The following GLIS2 variants were observed in gnomAD, a reference collection of about 807,000 sequenced individuals.
GLIS2 encodes the protein GLIS family zinc finger 2.
GLIS2 carries 14 observed loss-of-function variants against 35.6 expected under a neutral mutation model. The ratio of observed to expected loss-of-function variants is 0.39; its 90% CI spans 0.26 to 0.61. The LOEUF (loss-of-function observed/expected upper bound fraction) is 0.61, where lower values mean the gene tolerates loss of function less well. Among genes scored for constraint, GLIS2 ranks in the 20% least tolerant of loss-of-function variants. The pLI is 0.48. For synonymous variants in GLIS2, 368 were observed against 325.1 expected, an observed-to-expected ratio of 1.13 and a Z score of -1.42; for missense variants, 675 against 713.4, an observed-to-expected ratio of 0.95 and a Z score of 0.61.
At position 4,333,456 on chromosome 16, in the gene GLIS2, C is replaced by T; in HGVS notation, c.282C>T (p.Gly94=). 6.2e-7 allele frequency: 1 copy of T among 1,612,846 alleles called. No homozygotes were observed. ...SPPSGLDSPN[G]SSSLSPERQG... is the part of the protein sequence containing the mutation. ...CATCTGGGCTGGACTCCCCCAATGG[C>T]AGCAGCTCGCTGTCCCCCGAGCGCC... The change falls in exon 3 of 7, where the codon GGC becomes GGT. Residue 94 remains glycine (G), a synonymous_variant. Transcript: ENST00000433375.
At chr16:4,333,951 T>A (rs1477571122) in intron 3 of GLIS2, among the ~76,000 whole-genome samples, 4 of 151,888 alleles carry the variant, frequency 2.6e-5, no homozygotes, top group Non-Finnish European at 5.9e-5. Flanking sequence ...CATCTCTATT[T>A]ATTTTTTTGA....
At chr16:4,334,365 A>G (rs1031439461) in intron 3 of GLIS2, among the ~76,000 whole-genome samples, 1 of 151,032 alleles carries the variant, frequency 6.6e-6, no homozygotes, top group African/African-American at 2.4e-5. Context: ...AGCCTCCCAA[A>G]TAGCTGAGAT....
rs537740033 is a variant in GLIS2 at position 4,320,378 on chromosome 16, C to T, written c.-67+4124C>T. 1.9e-4 allele frequency among the ~76,000 whole-genome samples: 29 copies of T among 152,052 alleles called. No individual in the cohort carries two copies. Among genetic ancestry groups the T allele is most frequent in the Non-Finnish European group, 3.5e-4 (24 of 68,012 alleles). The stretch of plus-strand genomic sequence containing the variant: ...GCACAGCACGCTCCCAGGGCAGCCT[C>T]GCTTGGACCCTGGTAGTCAAGAGGT... On this transcript the variant is annotated intron_variant, in intron 1 of 6. Transcript: ENST00000433375. The surrounding 1 kb of genome is among the most constrained non-coding windows in gnomAD (Gnocchi z 5.6).
chr16:4,334,132 T>G (rs2141132066), intron 3 of GLIS2, among the ~76,000 whole-genome samples: 1 of 150,930 alleles, frequency 6.6e-6, no homozygotes, highest in South Asian at 2.1e-4. Flanking sequence ...AGAGACAGGG[T>G]TTCTCCATGT....
chr16:4,334,672 T>C (rs2053530981), intron 3 of GLIS2, 129 bp from the exon 4 acceptor site: 1 of 1,073,744 alleles, frequency 9.3e-7, no homozygotes, highest in Non-Finnish European at 1.4e-6. Flanking sequence ...TAAGGCCACA[T>C]GCACAGGTAG....
chr16:4,336,873 C>T lies in GLIS2; in HGVS notation c.924C>T (p.Ser308=). The change falls in exon 7 of 7, where the codon AGC becomes AGT. Residue 308 remains serine, a synonymous_variant. Coordinates refer to ENST00000433375, the MANE Select transcript of GLIS2 (RefSeq NM_032575.3). ...PGCHKRYTDP[S]SLRKHIKAHG... is the part of the protein sequence containing the mutation. ...GCCACAAGCGCTACACGGACCCCAGCTCACTGCGCAAGCACATCAAGGCCC... is the reference window on the plus strand; with the variant it reads ...GCCACAAGCGCTACACGGACCCCAGTTCACTGCGCAAGCACATCAAGGCCC... 6.2e-7 allele frequency: 1 copy of T among 1,613,418 alleles called. No individual in the cohort carries two copies. The highest frequency in any genetic ancestry group is 2.2e-5 in the East Asian group (1 of 44,890).
Position 4,338,908 on chromosome 16 carries a change from G to C in GLIS2, c.*1384G>C, listed in dbSNP as rs2053592990. ...TCCCACCTGGCAGCTGGGAGTTCTGGCTTCTAGGCCTGCCCTGTCACCAGG... is the reference window on the plus strand; with the variant it reads ...TCCCACCTGGCAGCTGGGAGTTCTGCCTTCTAGGCCTGCCCTGTCACCAGG... On this transcript the variant is annotated 3_prime_UTR_variant, in exon 7 of 7. Coordinates refer to ENST00000433375, the MANE Select transcript of GLIS2 (RefSeq NM_032575.3). 6.6e-6 allele frequency: 1 copy of C among 152,358 alleles called. No homozygotes were observed. Among genetic ancestry groups the C allele is most frequent in the Non-Finnish European group, 1.5e-5 (1 of 68,150 alleles). The allele number at this position is 152,358 out of a possible 1,614,324, so 9.4% of individuals were successfully genotyped here.
chr16:4,316,635 G>T (rs182845999), intron 1 of GLIS2, among the ~76,000 whole-genome samples: 7 of 151,860 alleles, frequency 4.6e-5, no homozygotes, highest in East Asian at 2.0e-4. Flanking sequence ...GCATGAAGTT[G>T]TCCGGGGCAG....
intron 1 of GLIS2, among the ~76,000 whole-genome samples, chr16:4,323,612 G>C (rs1339826050): frequency 6.6e-6 from 1 of 152,168 alleles, no homozygotes; most frequent in Non-Finnish European, 1.5e-5. Context: ...CACCCTCCCT[G>C]CTGGCGTTGG....
At chr16:4,328,613 G>T (rs747332425) in intron 1 of GLIS2, among the ~76,000 whole-genome samples, 8 of 152,220 alleles carry the variant, frequency 5.3e-5, no homozygotes, top group Non-Finnish European at 1.2e-4. Context: ...GCCGGGCTCT[G>T]GCCTGCATTG....
At chr16:4,333,659 G>A (rs934313048) in intron 3 of GLIS2, 140 bp downstream of exon 3, 20 of 1,010,144 alleles carry the variant, frequency 2.0e-5, no homozygotes, top group Non-Finnish European at 2.5e-5. Context: ...TACCTGGAAG[G>A]CTCTAGGGGA....
Position 4,321,190 on chromosome 16 carries a change from G to T in GLIS2, c.-67+4936G>T, listed in dbSNP as rs1469718727. On this transcript the variant is annotated intron_variant, in intron 1 of 6. Coordinates refer to ENST00000433375, the MANE Select transcript of GLIS2 (RefSeq NM_032575.3). ...GGAGGGCGTGGCAGGAGATGGAGCT[G>T]GGGGGGATCTGGGCCCTTCCCACCA... Among the ~76,000 whole-genome samples, 4 of 152,260 alleles carry T rather than the reference G, an allele frequency of 2.6e-5. No homozygotes were observed. In the South Asian group the frequency reaches 8.3e-4, roughly 32 times the overall value.
chr16:4,331,078 A>G (rs1354137285), intron 1 of GLIS2, among the ~76,000 whole-genome samples: 1 of 151,722 alleles, frequency 6.6e-6, no homozygotes, highest in Non-Finnish European at 1.5e-5. Context: ...CCGGGTTCAC[A>G]CCATTCTCCT....
At position 4,333,578 on chromosome 16, in the gene GLIS2, A is replaced by G. The variant is rs1395516018; in HGVS notation, c.345+59A>G. ...GGACTGGTTTCCTGGGGTTGCCATGACAAAGTACCCCAACACTGAGTGGTT... is the reference window on the plus strand; with the variant it reads ...GGACTGGTTTCCTGGGGTTGCCATGGCAAAGTACCCCAACACTGAGTGGTT... On this transcript the variant is annotated intron_variant, in intron 3 of 6. Transcript: ENST00000433375. 8.5e-6 allele frequency: 13 copies of G among 1,528,860 alleles called. No homozygotes were observed. In the East Asian group the frequency reaches 2.3e-4, roughly 27 times the overall value. 94.7% of individuals were successfully genotyped at this position (1,528,860 alleles called of 1,614,324 possible). A position where few individuals can be genotyped will look rare whatever the true frequency, so the allele number is the denominator to read the frequency against.
At chr16:4,323,622 G>A (rs1455298989) in intron 1 of GLIS2, among the ~76,000 whole-genome samples, 1 of 152,172 alleles carries the variant, frequency 6.6e-6, no homozygotes, top group African/African-American at 2.4e-5. Flanking sequence ...GCTGGCGTTG[G>A]AGAAGGAAGT....
rs1386411511 is a variant in GLIS2, at chr16:4,316,177, C to T, written c.-144C>T. 4.1e-5 allele frequency among the ~76,000 whole-genome samples: 6 copies of T among 145,008 alleles called. No homozygotes were observed. Among genetic ancestry groups the T allele is most frequent in the Non-Finnish European group, 6.1e-5 (4 of 65,258 alleles). On this transcript the variant is annotated 5_prime_UTR_variant, in exon 1 of 7. Coordinates refer to ENST00000433375, the MANE Select transcript of GLIS2 (RefSeq NM_032575.3). ...GCGCCCCGGCCCCCGCCCGTCCCGG[C>T]CCCTCCCCCGCTCGGCTCCCCGCGC...
At chr16:4,318,936 G>A (rs2053345462) in intron 1 of GLIS2, among the ~76,000 whole-genome samples, 1 of 152,232 alleles carries the variant, frequency 6.6e-6, no homozygotes, top group Non-Finnish European at 1.5e-5. Flanking sequence ...AGGGAGGGTG[G>A]CGACAGCTGT....
Position 4,337,300 on chromosome 16 carries a change from G to A in GLIS2, c.1351G>A (p.Val451Met). The stretch of plus-strand genomic sequence containing the variant: ...CGAGGGGGAGAAGGGGCGTGGGTCG[G>A]TGCCCACCAGGGCCCTGGGCATGGA... ...KAEGEKGRGS[V>M]PTRALGMEGH... Residue 451 changes from valine (V) to methionine (M), a missense_variant, in exon 7 of 7, where the codon GTG becomes ATG. Val to Met is a conservative substitution (Grantham distance 21). This residue lies in a region of GLIS2 where 317 missense variants were observed against 283.2 expected (regional missense o/e 1.12). Transcript: ENST00000433375. The A allele has an allele frequency of 6.4e-7, 1 of 1,560,806 alleles. No individual in the cohort carries two copies. The highest frequency in any genetic ancestry group is 8.7e-7 in the Non-Finnish European group (1 of 1,154,358).
intron 1 of GLIS2, among the ~76,000 whole-genome samples, chr16:4,322,037 C>T (rs868323922): frequency 8.6e-5 from 13 of 151,806 alleles, no homozygotes; most frequent in African/African-American, 2.4e-4. Context: ...CCAGGGAGCA[C>T]TTGGTGGAGG....
Sources: allele counts gnomAD v4.1 joint callset (sites outside exome capture counted in the v4.1 genomes callset), GRCh38; gene constraint gnomAD v4.1.1; regional missense constraint gnomAD v4.1.1; non-coding constraint Gnocchi (gnomAD v3.1); transcripts MANE v1.5; gene names NCBI Gene and HGNC (gene_info 2026-07-23, HGNC 2026-07-21).